The following SUGCT variants were observed in gnomAD, a reference collection of about 807,000 sequenced individuals.
SUGCT encodes succinyl-CoA:glutarate-CoA transferase, also known as succinyl-CoA:glutarate CoA-transferase.
A neutral mutation model predicts 55.0 loss-of-function variants in SUGCT; 41 were observed. That is an observed-to-expected ratio of 0.74 (90% CI 0.58 to 0.97). The LOEUF (loss-of-function observed/expected upper bound fraction) is 0.97, where lower values mean the gene tolerates loss of function less well. SUGCT is among the 50% of genes least tolerant of loss of function. The pLI is 0.00. For synonymous variants in SUGCT, 187 were observed against 200.4 expected (o/e 0.93, Z 0.56); for missense variants, 568 against 547.8 (o/e 1.04, Z -0.37).
intron 12 of SUGCT, among the ~76,000 whole-genome samples, chr7:40,643,984 C>T (rs1379548346): frequency 6.6e-6 from 1 of 152,182 alleles, no homozygotes; most frequent in African/African-American, 2.4e-5. Flanking sequence ...AGCTGTGCGT[C>T]TGCCTCTGGA....
At chr7:40,602,374 A>G (rs1214425584) in intron 12 of SUGCT, among the ~76,000 whole-genome samples, 1 of 152,200 alleles carries the variant, frequency 6.6e-6, no homozygotes, top group African/African-American at 2.4e-5. Flanking sequence ...GCTTCTGGTG[A>G]GCAAACACAG....
chr7:40,508,791 C>T (rs934322721), intron 12 of SUGCT, among the ~76,000 whole-genome samples: 4 of 152,118 alleles, frequency 2.6e-5, no homozygotes, highest in African/African-American at 9.7e-5. Flanking sequence ...CACACTTTAC[C>T]CTGCCTCTTT....
intron 9 of SUGCT, among the ~76,000 whole-genome samples, chr7:40,409,385 T>TC (rs1265137232): frequency 7.9e-5 from 12 of 152,126 alleles, no homozygotes; most frequent in Admixed American, 3.9e-4. Context: ...CACCTCAGCC[T>TC]CCAAGTAGGG....
At chr7:40,431,747 C>T (rs780509868) in intron 9 of SUGCT, among the ~76,000 whole-genome samples, 3 of 152,030 alleles carry the variant, frequency 2.0e-5, no homozygotes, top group Non-Finnish European at 4.4e-5. Context: ...TATTGGCATT[C>T]TCAGTGTTGG....
At chr7:40,665,936 C>T (rs936074796) in intron 12 of SUGCT, among the ~76,000 whole-genome samples, 1 of 151,904 alleles carries the variant, frequency 6.6e-6, no homozygotes, top group Non-Finnish European at 1.5e-5. Flanking sequence ...ATGGTATATA[C>T]TTATATATGC....
intron 11 of SUGCT, among the ~76,000 whole-genome samples, chr7:40,459,422 C>T (rs984714352): frequency 6.6e-6 from 1 of 151,984 alleles, no homozygotes; most frequent in South Asian, 2.1e-4. Context: ...TGAGTCATAA[C>T]AATGATATAA....
intron 13 of SUGCT, among the ~76,000 whole-genome samples, chr7:40,805,320 T>C (rs1355630399): frequency 6.6e-6 from 1 of 152,122 alleles, no homozygotes; most frequent in Non-Finnish European, 1.5e-5. Flanking sequence ...TTGAGCCTTA[T>C]GCATACCACC....
chr7:40,931,389 T>C, the SUGCT span, among the ~76,000 whole-genome samples: 1 of 152,182 alleles, frequency 6.6e-6, no homozygotes, highest in Admixed American at 6.5e-5. Flanking sequence ...TTCTCTTTTT[T>C]TGTTGTATCT....
chr7:40,320,107 A>T (rs1795646529), intron 9 of SUGCT, among the ~76,000 whole-genome samples: 1 of 92,032 alleles, frequency 1.1e-5, no homozygotes, highest in African/African-American at 3.2e-5. Flanking sequence ...ATATTTGTTA[A>T]TTTTTTGTTT....
chr7:40,344,757 T>A lies in SUGCT; in HGVS notation c.816+27902T>A, dbSNP rs527780615. Among the ~76,000 whole-genome samples the A allele has an allele frequency of 2.0e-5, 3 of 152,346 alleles. No individual in the cohort carries two copies. The South Asian group carries it at 6.2e-4, about 32-fold the overall frequency. On this transcript the variant is annotated intron_variant, in intron 9 of 13. Coordinates refer to ENST00000335693, the MANE Select transcript of SUGCT (RefSeq NM_001193313.2). ...CTTGGGCTTTTTCCTCCTCAGAGAT[T>A]TTGCTTGAATTCTACTTTTATGATT...
intron 13 of SUGCT, among the ~76,000 whole-genome samples, chr7:40,814,349 T>C (rs572760495): frequency 6.6e-6 from 1 of 152,152 alleles, no homozygotes; most frequent in African/African-American, 2.4e-5. Context: ...CATTTGTAAG[T>C]TTGGTCACTT....
intron 13 of SUGCT, among the ~76,000 whole-genome samples, chr7:40,768,682 T>G (rs1788932833): frequency 1.3e-5 from 2 of 152,264 alleles, no homozygotes; most frequent in South Asian, 4.1e-4. Flanking sequence ...GTTCATTTTC[T>G]TTCAAATAAT....
the SUGCT span, among the ~76,000 whole-genome samples, chr7:41,022,996 A>G: frequency 6.6e-6 from 1 of 152,140 alleles, no homozygotes; most frequent in African/African-American, 2.4e-5. Context: ...TTCATCCTGG[A>G]CTCATGATTT....
Position 40,448,967 on chromosome 7 carries a change from G to T in SUGCT, c.817-320G>T, listed in dbSNP as rs889889035. ...GTGTGTGTGTATATATATATAGAGA[G>T]AGAGAGAGAGAGAGAGAAAGAGAGA... On this transcript the variant is annotated intron_variant, in intron 9 of 13. Coordinates refer to ENST00000335693, the MANE Select transcript of SUGCT (RefSeq NM_001193313.2). Among the ~76,000 whole-genome samples, 31 of 149,360 alleles carry T rather than the reference G, an allele frequency of 2.1e-4. No individual in the cohort carries two copies. The South Asian group carries it at 2.8e-3, about 13-fold the overall frequency.
chr7:40,739,961 C>T (rs375421818), intron 12 of SUGCT, among the ~76,000 whole-genome samples: 26 of 152,168 alleles, frequency 1.7e-4, no homozygotes, highest in East Asian at 1.4e-3. Flanking sequence ...TTTCCTGGGA[C>T]TTTGGTAAGA....
At chr7:40,400,022 C>G (rs71536681) in intron 9 of SUGCT, among the ~76,000 whole-genome samples, 1 of 151,990 alleles carries the variant, frequency 6.6e-6, no homozygotes, top group Non-Finnish European at 1.5e-5. Flanking sequence ...GCACTCCAGT[C>G]TGGTGACAGA....
the SUGCT span, among the ~76,000 whole-genome samples, chr7:40,997,148 A>C: frequency 6.6e-6 from 1 of 152,226 alleles, no homozygotes; most frequent in East Asian, 1.9e-4. Context: ...ACCCATTTCA[A>C]ACTCCAGGTC....
chr7:40,366,850 A>G (rs1326950825), intron 9 of SUGCT, among the ~76,000 whole-genome samples: 3 of 152,176 alleles, frequency 2.0e-5, no homozygotes, highest in African/African-American at 7.2e-5. Context: ...TGTGGAAGTC[A>G]GTGTGGCGAT....
intron 13 of SUGCT, among the ~76,000 whole-genome samples, chr7:40,779,917 A>C (rs934839836): frequency 2.0e-5 from 3 of 152,178 alleles, no homozygotes; most frequent in Admixed American, 1.3e-4. Context: ...TTCATTAATA[A>C]ACACACAAAG....
Sources: allele counts gnomAD v4.1 joint callset (sites outside exome capture counted in the v4.1 genomes callset), GRCh38; gene constraint gnomAD v4.1.1; transcripts MANE v1.5; gene names NCBI Gene and HGNC (gene_info 2026-07-23, HGNC 2026-07-21).